Variants in NTN1 observed in about 807,000 individuals in gnomAD.
NTN1 encodes netrin-1.
In NTN1, 11 loss-of-function variants were observed where a neutral mutation model predicts 54.2. The observed-to-expected ratio is 0.20, with a 90% CI of 0.13 to 0.34. The LOEUF is 0.34. Ranked by LOEUF, NTN1 falls within the 10% of genes least tolerant of loss-of-function variation. The pLI is 1.00. For synonymous variants in NTN1, 371 were observed against 382.0 expected, an observed-to-expected ratio of 0.97 and a Z score of 0.33; for missense variants, 740 against 893.1, an observed-to-expected ratio of 0.83 and a Z score of 2.18.
chr17:9,238,730 C>T (rs535124976), intron 6 of NTN1, among the ~76,000 whole-genome samples: 1 of 152,320 alleles, frequency 6.6e-6, no homozygotes, highest in East Asian at 1.9e-4. Flanking sequence ...CAAAGTTTCT[C>T]ATTTATTTAG....
In NTN1 at chr17:9,144,982, C is replaced by T. The variant is rs192590441; in HGVS notation, c.1019-17831C>T. Among the ~76,000 whole-genome samples, 433 of 152,338 alleles carry T rather than the reference C, an allele frequency of 2.8e-3. 1 individual carries two copies. Among genetic ancestry groups the T allele is most frequent in the African/African-American group, 1.0e-2 (415 of 41,582 alleles). ...CTGTACCCCACAGCTATCTCCAGCT[C>T]CAGGTCCAGGGAGGGCCAGAAGGTG... is the stretch of plus-strand genomic sequence containing the variant. On this transcript the variant is annotated intron_variant, in intron 2 of 6. Transcript: ENST00000173229.
chr17:9,058,637 C>CAAAAAAAAAAAAAAAAAAAAAAAAAA (rs3053457), intron 2 of NTN1, among the ~76,000 whole-genome samples: 5 of 58,906 alleles, frequency 8.5e-5, no homozygotes, highest in African/African-American at 1.9e-4. Context: ...GGTAGGCACT[C>CAAAAAAAAAAAAAAAAAAAAAAAAAA]AAAAAAAAAA....
chr17:9,144,419 G>A (rs2092307352), intron 2 of NTN1, among the ~76,000 whole-genome samples: 2 of 152,130 alleles, frequency 1.3e-5, no homozygotes, highest in Non-Finnish European at 2.9e-5. Flanking sequence ...AGGCATAGAG[G>A]TGATCAAACA....
upstream of NTN1, among the ~76,000 whole-genome samples, chr17:9,019,916 G>C (rs954294686): frequency 1.3e-5 from 2 of 152,212 alleles, no homozygotes; most frequent in African/African-American, 4.8e-5. Context: ...TAAATAAACA[G>C]TGCAGAGTGT....
Position 9,025,060 on chromosome 17 carries a change from T to G in NTN1, c.1018+1669T>G, listed in dbSNP as rs191631297. Among the ~76,000 whole-genome samples the G allele has an allele frequency of 2.6e-5, 4 of 152,368 alleles. No individual in the cohort carries two copies. The East Asian group carries it at 7.7e-4, about 29-fold the overall frequency. On this transcript the variant is annotated intron_variant, in intron 2 of 6. Transcript: ENST00000173229. ...GTTTTGCTATCAGTTTTAGTTTGTATGTGCATATGAAAGATAACTTTGTCT... is the reference window on the plus strand; with the variant it reads ...GTTTTGCTATCAGTTTTAGTTTGTAGGTGCATATGAAAGATAACTTTGTCT...
chr17:9,143,865 C>T (rs2092305308), intron 2 of NTN1, among the ~76,000 whole-genome samples: 1 of 151,940 alleles, frequency 6.6e-6, no homozygotes, highest in South Asian at 2.1e-4. Context: ...GTGATGTTCC[C>T]CTGACATGGA....
intron 2 of NTN1, among the ~76,000 whole-genome samples, chr17:9,078,095 T>C (rs749308612): frequency 4.0e-4 from 60 of 150,106 alleles, no homozygotes; most frequent in African/African-American, 1.3e-3. Context: ...CATCCATCCA[T>C]CCACCCAGTG....
At chr17:9,103,560 T>C (rs2092156897) in intron 2 of NTN1, among the ~76,000 whole-genome samples, 1 of 152,078 alleles carries the variant, frequency 6.6e-6, no homozygotes, top group Non-Finnish European at 1.5e-5. Context: ...TCTGCCATGA[T>C]TGTAAGTTTC....
chr17:9,176,835 C>T (rs949509258), intron 3 of NTN1: 1 of 152,272 alleles, frequency 6.6e-6, no homozygotes, highest in Non-Finnish European at 1.5e-5. Context: ...TTCCACCTCT[C>T]CGCACAGCCC....
chr17:9,089,032 C>G (rs576627518), intron 2 of NTN1, among the ~76,000 whole-genome samples: 1 of 152,102 alleles, frequency 6.6e-6, no homozygotes, highest in Non-Finnish European at 1.5e-5. Flanking sequence ...GAGGCAGGAC[C>G]CCCAGCTTAG....
intron 2 of NTN1, among the ~76,000 whole-genome samples, chr17:9,142,959 T>G (rs995176457): frequency 2.6e-5 from 4 of 152,178 alleles, no homozygotes; most frequent in Non-Finnish European, 5.9e-5. Context: ...TAAAAGGTAA[T>G]GTGCAGTGAA....
intron 2 of NTN1, among the ~76,000 whole-genome samples, chr17:9,068,565 A>G (rs1238468346): frequency 6.6e-6 from 1 of 150,648 alleles, no homozygotes; most frequent in Non-Finnish European, 1.5e-5. Context: ...CTGGAGTGCA[A>G]TGGTGCGATC....
chr17:9,009,976 G>A, the NTN1 span, among the ~76,000 whole-genome samples: 1 of 152,132 alleles, frequency 6.6e-6, no homozygotes, highest in African/African-American at 2.4e-5. Context: ...TACTCTCTAA[G>A]GGCCGCCTCT....
At chr17:9,141,402 G>A (rs146364168) in intron 2 of NTN1, among the ~76,000 whole-genome samples, 8 of 152,282 alleles carry the variant, frequency 5.3e-5, no homozygotes, top group East Asian at 3.9e-4. Flanking sequence ...GAAGAGATGC[G>A]GTGAACTCCG....
At chr17:9,161,801 G>T (rs1386567241) in intron 2 of NTN1, among the ~76,000 whole-genome samples, 3 of 152,140 alleles carry the variant, frequency 2.0e-5, no homozygotes, top group Admixed American at 6.5e-5. Context: ...CAAACAAAAA[G>T]AAATTGTGCT....
chr17:9,197,755 G>A (rs945992408), intron 5 of NTN1, among the ~76,000 whole-genome samples: 3 of 109,578 alleles, frequency 2.7e-5, no homozygotes, highest in Non-Finnish European at 6.1e-5. Context: ...TCAGGCTGAA[G>A]CTGGGCTAGG....
chr17:9,021,172 G>C (rs1038075797), upstream of NTN1, among the ~76,000 whole-genome samples: 1 of 149,484 alleles, frequency 6.7e-6, no homozygotes, highest in Non-Finnish European at 1.5e-5. Flanking sequence ...TCCCCCGGGC[G>C]TGAGGCTCTC....
intron 2 of NTN1, among the ~76,000 whole-genome samples, chr17:9,113,062 C>T (rs1337800718): frequency 1.4e-5 from 2 of 144,686 alleles, no homozygotes; most frequent in African/African-American, 2.6e-5. Context: ...CTCACTCTGT[C>T]GCCCAGGCTG....
Position 9,221,154 on chromosome 17 carries a change from C to CG in NTN1, c.1412-14_1412-13insG, listed in dbSNP as rs779272579. 5.1e-6 allele frequency: 8 copies of CG among 1,557,906 alleles called. No individual in the cohort carries two copies. In the African/African-American group the frequency reaches 1.0e-4, roughly 20 times the overall value. ...ATTAGTTTTTGTCTGTGCTCCCCCC[C>CG]CACCCCCCTGCAGACTGCGATTCCT... On this transcript the variant is annotated splice_polypyrimidine_tract_variant and intron_variant, in intron 5 of 6. Transcript: ENST00000173229. This position sits in a 1 kb window ranked among gnomAD's most constrained non-coding sequence, Gnocchi z 4.5.
Sources: gnomAD v4.1 joint callset for allele counts (sites outside exome capture counted in the v4.1 genomes callset) on GRCh38, gnomAD v4.1.1 for gene constraint, Gnocchi (gnomAD v3.1) non-coding constraint, MANE v1.5 for transcripts, NCBI Gene and HGNC (gene_info 2026-07-23, HGNC 2026-07-21) for gene names.